PDE4DIP: variants seen among roughly 807,000 people sequenced by gnomAD.
PDE4DIP encodes myomegalin.
In PDE4DIP, 59 loss-of-function variants were observed where a neutral mutation model predicts 221.4. The ratio of observed to expected loss-of-function variants is 0.27; its 90% CI spans 0.22 to 0.33. PDE4DIP has a LOEUF of 0.33. Among genes scored for constraint, PDE4DIP ranks in the 10% least tolerant of loss-of-function variants. PDE4DIP has a pLI of 1.00. For synonymous variants in PDE4DIP, 404 were observed against 815.9 expected (o/e 0.50, Z 8.60); for missense variants, 1,036 against 2,154.2 (o/e 0.48, Z 10.28).
intron 4 of PDE4DIP, among the ~76,000 whole-genome samples, chr1:148,934,699 G>T (rs1188665244): frequency 1.3e-5 from 2 of 152,142 alleles, no homozygotes; most frequent in Non-Finnish European, 2.9e-5. Context: ...TGCCTCCCAG[G>T]TTCAACCGAT....
At chr1:149,028,402 G>A (rs372327616) in intron 40 of PDE4DIP, among the ~76,000 whole-genome samples, 158 bp from the exon 44 acceptor site, 2,095 of 151,136 alleles carry the variant, frequency 0.014, 23 homozygotes, top group Middle Eastern at 0.02. Flanking sequence ...TCCTGGTAAA[G>A]GGAGCAGCAC....
intron 21 of PDE4DIP, chr1:148,983,017 A>C (rs1314798995): frequency 6.6e-6 from 1 of 152,118 alleles, no homozygotes; most frequent in Admixed American, 6.5e-5. Context: ...CTTACTCTTA[A>C]TGGATCTGCC....
intron 21 of PDE4DIP, chr1:148,989,172 T>TA (rs2062493802): frequency 3.0e-6 from 1 of 331,192 alleles, no homozygotes; most frequent in African/African-American, 2.2e-5. Flanking sequence ...ATATTTTCTA[T>TA]AAATTTTTTA....
intron 21 of PDE4DIP, among the ~76,000 whole-genome samples, chr1:148,987,164 A>T (rs1172142289): frequency 2.6e-5 from 4 of 152,138 alleles, no homozygotes; most frequent in African/African-American, 9.7e-5. Context: ...TACTTAAGAG[A>T]TGTTGCAATT....
At chr1:148,924,377 CTAT>C (rs1478821174) in intron 1 of PDE4DIP, among the ~76,000 whole-genome samples, 24 of 152,184 alleles carry the variant, frequency 1.6e-4, no homozygotes, top group Non-Finnish European at 3.2e-4. Flanking sequence ...TGAATAGACT[CTAT>C]TATCAGGCCA....
intron 37 of PDE4DIP, 111 bp downstream of exon 40, chr1:149,021,264 G>T (rs1698593): frequency 0.05 from 37,095 of 738,274 alleles, 1,598 homozygotes; most frequent in African/African-American, 0.18. Context: ...GAGTTCTGTT[G>T]CAGAAACCCC....
intron 21 of PDE4DIP, chr1:148,984,007 C>A (rs147886475): frequency 3.3e-5 from 5 of 152,052 alleles, no homozygotes; most frequent in African/African-American, 1.2e-4. Context: ...TGAAAAGAAC[C>A]TCCAAGAGGA....
intron 5 of PDE4DIP, among the ~76,000 whole-genome samples, chr1:148,956,668 CCTTT>C (rs2055445336): frequency 6.7e-6 from 1 of 149,542 alleles, no homozygotes. Context: ...GTGCAATTTC[CCTTT>C]CTATCTAAAT....
chr1:149,012,265 G>GCT (rs1349611068), intron 31 of PDE4DIP, among the ~76,000 whole-genome samples: 1 of 147,802 alleles, frequency 6.8e-6, no homozygotes, highest in Non-Finnish European at 1.5e-5. Flanking sequence ...AAGCATTCAG[G>GCT]CTCTCTGACT....
chr1:149,022,948 TA>T (rs1195867893), intron 37 of PDE4DIP, among the ~76,000 whole-genome samples: 3 of 152,246 alleles, frequency 2.0e-5, no homozygotes, highest in Non-Finnish European at 4.4e-5. Context: ...AGATAGATTT[TA>T]AAACATCTCT....
intron 16 of PDE4DIP, among the ~76,000 whole-genome samples, chr1:148,973,017 A>G (rs1156693903): frequency 7.4e-6 from 1 of 134,582 alleles, no homozygotes; most frequent in Admixed American, 7.5e-5. Flanking sequence ...GCACAATAAG[A>G]TGTTCTATGA....
chr1:148,927,525 T>C (rs1168339269), intron 1 of PDE4DIP, among the ~76,000 whole-genome samples: 1 of 152,056 alleles, frequency 6.6e-6, no homozygotes, highest in African/African-American at 2.4e-5. Flanking sequence ...TTCACAAGTA[T>C]GGTAGAAAAT....
chr1:149,018,626 G>A (rs148146447), exon 35 of PDE4DIP: 68 of 1,613,294 alleles, frequency 4.2e-5, no homozygotes, highest in Middle Eastern at 3.3e-4. Flanking sequence ...GAAGACAATC[G>A]AAGACTTCAG....
At chr1:148,919,689 T>A (rs1227633711) in intron 1 of PDE4DIP, among the ~76,000 whole-genome samples, 2 of 151,790 alleles carry the variant, frequency 1.3e-5, no homozygotes, top group African/African-American at 4.9e-5. Context: ...TGAAAGGTTT[T>A]AAAATAAAAC....
At chr1:148,822,456 G>A (rs1400003815) in intron 1 of PDE4DIP, among the ~76,000 whole-genome samples, 1 of 148,244 alleles carries the variant, frequency 6.7e-6, no homozygotes, top group African/African-American at 2.5e-5. Flanking sequence ...TTGTGAACTG[G>A]GCATATGAGG....
At chr1:148,996,155 T>C (rs2064179784) in intron 22 of PDE4DIP, among the ~76,000 whole-genome samples, 1 of 152,140 alleles carries the variant, frequency 6.6e-6, no homozygotes, top group African/African-American at 2.4e-5. Context: ...TAGAACAAGA[T>C]AACATATATC....
chr1:148,875,880 C>G lies in PDE4DIP; in HGVS notation c.441+7258C>G, dbSNP rs1408858369. On this transcript the variant is annotated intron_variant, in intron 3 of 45. Transcript: ENST00000524974. ...GGCAGAGGTTGCAGTAAGCCGAGATCGAGCCACTGCACTCCAGCCTGGGCG... is the reference window on the plus strand; with the variant it reads ...GGCAGAGGTTGCAGTAAGCCGAGATGGAGCCACTGCACTCCAGCCTGGGCG... 2.6e-5 allele frequency among the ~76,000 whole-genome samples: 4 copies of G among 152,274 alleles called. No homozygotes were observed. In the South Asian group the frequency reaches 8.3e-4, roughly 32 times the overall value.
intron 37 of PDE4DIP, among the ~76,000 whole-genome samples, chr1:149,023,459 C>A (rs1386107005): frequency 1.0e-4 from 15 of 146,376 alleles, no homozygotes; most frequent in Non-Finnish European, 2.1e-4. Context: ...GGGATTGTAG[C>A]CTCGTAGAAT....
rs1202493322 is a variant in PDE4DIP at position 148,861,606 on chromosome 1, C to T, written c.234-1644C>T. On this transcript the variant is annotated intron_variant, in intron 1 of 45. Transcript: ENST00000524974. ...TGAGCCGAGATCGTGCCATGCACTC[C>T]AGCCTGGGCAACAAAAGCAAAACTC... Among the ~76,000 whole-genome samples the T allele has an allele frequency of 7.8e-5, 6 of 77,218 alleles. 1 individual carries two copies. Among genetic ancestry groups the T allele is most frequent in the Admixed American group, 7.0e-4 (6 of 8,566 alleles). The allele number at this position is 77,218 out of a possible 152,430, so 50.7% of individuals were successfully genotyped here. A position where few individuals can be genotyped will look rare whatever the true frequency, so the allele number is the denominator to read the frequency against.
Sources: gnomAD v4.1 joint callset for allele counts (sites outside exome capture counted in the v4.1 genomes callset) on GRCh38, gnomAD v4.1.1 for gene constraint, MANE v1.5 for transcripts, NCBI Gene and HGNC (gene_info 2026-07-23, HGNC 2026-07-21) for gene names.